Variants in CDH4 observed in about 807,000 individuals in gnomAD.
CDH4 encodes the protein cadherin 4, also known as cadherin-4.
A neutral mutation model predicts 86.0 loss-of-function variants in CDH4; 33 were observed. The ratio of observed to expected loss-of-function variants is 0.38; its 90% CI spans 0.29 to 0.51. The LOEUF (loss-of-function observed/expected upper bound fraction) is 0.51. CDH4 is among the 20% of genes least tolerant of loss of function. The pLI is 0.86. For missense variants in CDH4, 1,114 were observed against 1,307.4 expected, an observed-to-expected ratio of 0.85 and a Z score of 2.28; for synonymous variants, 555 against 549.4, an observed-to-expected ratio of 1.01 and a Z score of -0.14.
chr20:61,579,310 G>A (rs2798592), intron 2 of CDH4, among the ~76,000 whole-genome samples: 96,117 of 142,502 alleles, frequency 0.67, 33,457 homozygotes, highest in East Asian at 0.8. Context: ...TTTTTGAGAC[G>A]GAGTCTCTCT....
chr20:61,404,962 A>G (rs2085073068), intron 2 of CDH4, among the ~76,000 whole-genome samples: 1 of 152,174 alleles, frequency 6.6e-6, no homozygotes, highest in Admixed American at 6.5e-5. Flanking sequence ...AGGCAGGAGA[A>G]CCGCTTGAAC....
intron 2 of CDH4, among the ~76,000 whole-genome samples, chr20:61,457,030 T>C (rs1356997270): frequency 6.6e-6 from 1 of 152,182 alleles, no homozygotes; most frequent in Non-Finnish European, 1.5e-5. Flanking sequence ...GCCAGACTTC[T>C]CCTTTCAGAG....
intron 2 of CDH4, among the ~76,000 whole-genome samples, chr20:61,431,061 T>C (rs190805436): frequency 7.6e-4 from 116 of 152,338 alleles, no homozygotes; most frequent in African/African-American, 2.7e-3. Context: ...TTTCTTTGCT[T>C]GGCTGTAGCA....
At chr20:61,808,954 CT>C (rs1171970061) in intron 4 of CDH4, among the ~76,000 whole-genome samples, 1 of 152,200 alleles carries the variant, frequency 6.6e-6, no homozygotes, top group Non-Finnish European at 1.5e-5. Flanking sequence ...ATGTGACTTT[CT>C]AGATTAAATA....
intron 2 of CDH4, among the ~76,000 whole-genome samples, chr20:61,398,568 G>T (rs1465312753): frequency 6.6e-6 from 1 of 152,188 alleles, no homozygotes; most frequent in Non-Finnish European, 1.5e-5. Context: ...GTCTCCCGGC[G>T]AAATTCCCTC....
At chr20:61,489,838 G>C (rs967914438) in intron 2 of CDH4, among the ~76,000 whole-genome samples, 2 of 152,208 alleles carry the variant, frequency 1.3e-5, no homozygotes, top group Non-Finnish European at 2.9e-5. Flanking sequence ...CACTGTGCTG[G>C]CCTACCAGGG....
intron 2 of CDH4, among the ~76,000 whole-genome samples, chr20:61,445,961 G>C (rs954554569): frequency 6.6e-6 from 1 of 152,238 alleles, no homozygotes; most frequent in African/African-American, 2.4e-5. Flanking sequence ...TCCCATGCCC[G>C]CTGGTGGATA....
chr20:61,372,677 C>G (rs1246756901), intron 2 of CDH4, among the ~76,000 whole-genome samples: 4 of 152,320 alleles, frequency 2.6e-5, no homozygotes, highest in African/African-American at 9.6e-5. Context: ...CCCCTGAGAT[C>G]CAGACCTGGA....
At chr20:61,353,626 C>CCCTTCCCCCTCCCATTACCCCT (rs1568810243) in intron 2 of CDH4, among the ~76,000 whole-genome samples, 2 of 63,378 alleles carry the variant, frequency 3.2e-5, no homozygotes, top group African/African-American at 7.1e-5. Context: ...CCTCCTCCTC[C>CCCTTCCCCCTCCCATTACCCCT]TCATCCTCCT....
At chr20:61,474,255 G>A (rs2085522492) in intron 2 of CDH4, among the ~76,000 whole-genome samples, 1 of 140,596 alleles carries the variant, frequency 7.1e-6, no homozygotes, top group South Asian at 2.3e-4. Flanking sequence ...CCACCTCCCT[G>A]GTTCAAGCAA....
intron 4 of CDH4, among the ~76,000 whole-genome samples, chr20:61,839,312 C>CTG (rs1007550618): frequency 4.6e-5 from 7 of 151,218 alleles, no homozygotes; most frequent in South Asian, 4.2e-4. Flanking sequence ...GTATTGTGTT[C>CTG]TGTGTGTGTG....
At chr20:61,875,372 A>C (rs1038167117) in intron 7 of CDH4, among the ~76,000 whole-genome samples, 1 of 151,962 alleles carries the variant, frequency 6.6e-6, no homozygotes, top group African/African-American at 2.4e-5. Flanking sequence ...GCTTGCGGGG[A>C]AGGCGAGGTG....
intron 2 of CDH4, among the ~76,000 whole-genome samples, chr20:61,382,104 A>G (rs1417651256): frequency 1.3e-5 from 2 of 148,424 alleles, no homozygotes; most frequent in Non-Finnish European, 3.0e-5. Context: ...TAATTAAAAT[A>G]AAAAGATCAC....
At chr20:61,805,321 A>G (rs1459242156) in intron 4 of CDH4, among the ~76,000 whole-genome samples, 1 of 152,200 alleles carries the variant, frequency 6.6e-6, no homozygotes, top group Non-Finnish European at 1.5e-5. Context: ...GACAGTGAGC[A>G]AGCAAAACAA....
chr20:61,285,019 G>A (rs1388651867), intron 2 of CDH4, among the ~76,000 whole-genome samples: 1 of 152,064 alleles, frequency 6.6e-6, no homozygotes. Context: ...CCTTGCTGCT[G>A]CTTCTCTACT....
At chr20:61,433,445 A>G (rs571996277) in intron 2 of CDH4, among the ~76,000 whole-genome samples, 1 of 151,882 alleles carries the variant, frequency 6.6e-6, no homozygotes. Flanking sequence ...TCCTTCCAAA[A>G]TTGCTTTGGC....
intron 2 of CDH4, among the ~76,000 whole-genome samples, chr20:61,694,173 T>C (rs1342931779): frequency 6.6e-6 from 1 of 152,116 alleles, no homozygotes; most frequent in Non-Finnish European, 1.5e-5. Context: ...TGAGCCACCA[T>C]GCCCAGACCC....
Position 61,371,789 on chromosome 20 carries a change from G to A in CDH4, c.169+116852G>A, listed in dbSNP as rs935443529. Among the ~76,000 whole-genome samples, 5 of 152,356 alleles carry A rather than the reference G, an allele frequency of 3.3e-5. No homozygotes were observed. In the South Asian group the frequency reaches 6.2e-4, roughly 19 times the overall value. ...GAAGGCGAAGGCTCGAGTCCAGAAC[G>A]GGCAAGAGTGTGCTGGTGCACATCT... On this transcript the variant is annotated intron_variant, in intron 2 of 15. Transcript: ENST00000614565.
At chr20:61,922,198 C>A (rs987007254) in intron 9 of CDH4, among the ~76,000 whole-genome samples, 2 of 152,232 alleles carry the variant, frequency 1.3e-5, no homozygotes, top group African/African-American at 4.8e-5. Flanking sequence ...TTGCACGTAT[C>A]TAAGCAGAAT....
Sources: allele counts gnomAD v4.1 joint callset (sites outside exome capture counted in the v4.1 genomes callset), GRCh38; gene constraint gnomAD v4.1.1; transcripts MANE v1.5; gene names NCBI Gene and HGNC (gene_info 2026-07-23, HGNC 2026-07-21).